CAMK2D: variants seen among roughly 807,000 people sequenced by gnomAD.
CAMK2D encodes calcium/calmodulin dependent protein kinase II delta, also known as calcium/calmodulin-dependent protein kinase type II subunit delta.
A neutral mutation model predicts 84.0 loss-of-function variants in CAMK2D; 37 were observed. The observed-to-expected ratio is 0.44, with a 90% confidence interval of 0.34 to 0.58. The LOEUF (loss-of-function observed/expected upper bound fraction) is 0.58. Ranked by LOEUF, CAMK2D falls within the 20% of genes least tolerant of loss-of-function variation. CAMK2D has a pLI of 0.02. For missense variants in CAMK2D, 448 were observed against 652.5 expected, an observed-to-expected ratio of 0.69 and a Z score of 3.41; for synonymous variants, 202 against 212.5, an observed-to-expected ratio of 0.95 and a Z score of 0.43.
chr4:113,518,412 A>AT (rs2098313823), intron 8 of CAMK2D, among the ~76,000 whole-genome samples: 1 of 152,200 alleles, frequency 6.6e-6, no homozygotes, highest in Non-Finnish European at 1.5e-5. Flanking sequence ...TCACTTTTAA[A>AT]ATTAAAAAAA....
intron 2 of CAMK2D, among the ~76,000 whole-genome samples, chr4:113,703,430 A>T (rs1397463794): frequency 6.6e-6 from 1 of 152,058 alleles, no homozygotes; most frequent in African/African-American, 2.4e-5. Context: ...AACTCAAACA[A>T]TTTTTCCACC....
chr4:113,463,877 C>T (rs1291001196), intron 17 of CAMK2D, among the ~76,000 whole-genome samples: 1 of 152,066 alleles, frequency 6.6e-6, no homozygotes, highest in Non-Finnish European at 1.5e-5. Context: ...ATGAATTTTG[C>T]TTCAGTATAT....
chr4:113,745,977 T>C (rs2099603279), intron 2 of CAMK2D, among the ~76,000 whole-genome samples: 1 of 152,200 alleles, frequency 6.6e-6, no homozygotes, highest in South Asian at 2.1e-4. Flanking sequence ...AAATGTTCCT[T>C]ACCCACACTC....
chr4:113,503,088 A>C, intron 14 of CAMK2D, 111 bp from the exon 15 acceptor site: 1 of 804,100 alleles, frequency 1.2e-6, no homozygotes, highest in Admixed American at 1.8e-5. Context: ...TAGTGACAAG[A>C]GCTAAAGCGA....
At chr4:113,464,436 T>C (rs1484081512) in intron 17 of CAMK2D, among the ~76,000 whole-genome samples, 1 of 152,244 alleles carries the variant, frequency 6.6e-6, no homozygotes. Flanking sequence ...GTTTTATCTA[T>C]TTAGGTATAA....
At chr4:113,581,175 T>C (rs2098806534) in intron 4 of CAMK2D, among the ~76,000 whole-genome samples, 1 of 152,160 alleles carries the variant, frequency 6.6e-6, no homozygotes, top group Non-Finnish European at 1.5e-5. Context: ...ATAATTGTTA[T>C]TCTATTTGAC....
intron 2 of CAMK2D, among the ~76,000 whole-genome samples, chr4:113,686,889 CAT>C (rs1166820015): frequency 3.8e-4 from 56 of 148,938 alleles, no homozygotes; most frequent in African/African-American, 1.2e-3. Context: ...CACACACACA[CAT>C]ACACTTCAAG....
At chr4:113,520,220 A>G (rs1413223428) in intron 8 of CAMK2D, among the ~76,000 whole-genome samples, 1 of 152,118 alleles carries the variant, frequency 6.6e-6, no homozygotes, top group African/African-American at 2.4e-5. Context: ...AGCCTGGCCA[A>G]CATGGTGAAA....
intron 3 of CAMK2D, among the ~76,000 whole-genome samples, chr4:113,634,958 T>C (rs1460512378): frequency 1.3e-5 from 2 of 152,080 alleles, no homozygotes; most frequent in Non-Finnish European, 2.9e-5. Flanking sequence ...CTTCACAAAA[T>C]AGTACACCAG....
chr4:113,540,941 A>AC (rs952358759), intron 6 of CAMK2D, among the ~76,000 whole-genome samples: 1 of 151,836 alleles, frequency 6.6e-6, no homozygotes, highest in African/African-American at 2.4e-5. Context: ...TTCCTTCCCC[A>AC]CCCCCACTGC....
intron 2 of CAMK2D, among the ~76,000 whole-genome samples, chr4:113,744,358 C>T (rs1330042743): frequency 6.6e-6 from 1 of 152,158 alleles, no homozygotes; most frequent in African/African-American, 2.4e-5. Flanking sequence ...TATGGGAAAT[C>T]AAGGCCTTTT....
chr4:113,568,736 G>A (rs2098738004), intron 4 of CAMK2D, among the ~76,000 whole-genome samples: 1 of 151,886 alleles, frequency 6.6e-6, no homozygotes, highest in African/African-American at 2.4e-5. Context: ...GCCAACACTT[G>A]TTACTTTCCA....
In CAMK2D at chr4:113,661,769, T is replaced by A; in HGVS notation, c.164A>T (p.His55Leu). ...TCTAGCTTCTCTTTCTAGTTTCTGATGATCTGTTAAAAAAAAAAACAGAAT... is the reference window on the plus strand; with the variant it reads ...TCTAGCTTCTCTTTCTAGTTTCTGAAGATCTGTTAAAAAAAAAAACAGAAT... ...INTKKLSARDHQKLEREARIC... is the reference protein window; with the variant it reads ...INTKKLSARDLQKLEREARIC... Residue 55 changes from histidine (H) to leucine (L), a missense_variant, in exon 3 of 21, where the codon CAT becomes CTT. Around this residue, in one of 7 missense-constraint regions of CAMK2D, gnomAD observed 46 missense variants for 46.3 expected, o/e 0.99. Coordinates refer to ENST00000511664, the MANE Select transcript of CAMK2D (RefSeq NM_001321571.2). 1.3e-6 allele frequency: 2 copies of A among 1,484,456 alleles called. No homozygotes were observed. Among genetic ancestry groups the A allele is most frequent in the Non-Finnish European group, 9.1e-7 (1 of 1,096,296 alleles). 92.0% of individuals were successfully genotyped at this position (1,484,456 alleles called of 1,614,324 possible).
intron 8 of CAMK2D, among the ~76,000 whole-genome samples, chr4:113,518,156 C>A (rs1049173056): frequency 3.3e-5 from 5 of 152,038 alleles, no homozygotes; most frequent in Non-Finnish European, 7.4e-5. Context: ...AATGTGGGTA[C>A]CCCATAGAGA....
intron 4 of CAMK2D, among the ~76,000 whole-genome samples, chr4:113,577,959 C>T (rs553813817): frequency 6.6e-6 from 1 of 152,180 alleles, no homozygotes; most frequent in East Asian, 1.9e-4. Context: ...ATATGGAATG[C>T]TAGGAGTTTC....
At chr4:113,490,044 C>T (rs1398563299) in intron 16 of CAMK2D, among the ~76,000 whole-genome samples, 1 of 151,576 alleles carries the variant, frequency 6.6e-6, no homozygotes, top group Non-Finnish European at 1.5e-5. Flanking sequence ...GGATATTAGC[C>T]CTTTGTCAGA....
At chr4:113,509,253 A>ATATT (rs1164126700) in intron 13 of CAMK2D, among the ~76,000 whole-genome samples, 1 of 152,210 alleles carries the variant, frequency 6.6e-6, no homozygotes, top group Non-Finnish European at 1.5e-5. Flanking sequence ...TTCAGGCTAT[A>ATATT]TATTTCAGTG....
At chr4:113,729,509 CTCTTT>C (rs146845678) in intron 2 of CAMK2D, among the ~76,000 whole-genome samples, 7,990 of 152,192 alleles carry the variant, frequency 0.052, 696 homozygotes, top group African/African-American at 0.18. Context: ...GCCTCACGTG[CTCTTT>C]TCTTGCTGGC....
chr4:113,730,273 C>T (rs1219447422), intron 2 of CAMK2D, among the ~76,000 whole-genome samples: 1 of 152,096 alleles, frequency 6.6e-6, no homozygotes, highest in African/African-American at 2.4e-5. Context: ...TTCTAAGCTC[C>T]TCATTTCATG....
Sources: gnomAD v4.1 joint callset for allele counts (sites outside exome capture counted in the v4.1 genomes callset) on GRCh38, gnomAD v4.1.1 for gene constraint, gnomAD v4.1.1 regional missense constraint, MANE v1.5 for transcripts, NCBI Gene and HGNC (gene_info 2026-07-23, HGNC 2026-07-21) for gene names.